CYP39A1: variants seen among roughly 807,000 people sequenced by gnomAD.
The protein encoded by CYP39A1 is cytochrome P450 family 39 subfamily A member 1, also known as 24-hydroxycholesterol 7-alpha-hydroxylase.
Under a neutral mutation model 58.1 loss-of-function variants are expected in CYP39A1, and 49 were observed. That is an observed-to-expected ratio of 0.84 (90% CI 0.67 to 1.07). CYP39A1 has a LOEUF of 1.07. CYP39A1 is among the 50% of genes least tolerant of loss of function. The pLI, the probability that CYP39A1 is intolerant of heterozygous loss-of-function variation, is 0.00. For missense variants in CYP39A1, 531 were observed against 539.4 expected (o/e 0.98, Z 0.16); for synonymous variants, 209 against 187.6 (o/e 1.11, Z -0.93).
chr6:46,589,791 T>G (rs537998555), intron 8 of CYP39A1, among the ~76,000 whole-genome samples: 4 of 152,088 alleles, frequency 2.6e-5, no homozygotes, highest in African/African-American at 9.6e-5. Context: ...GAGAGCAGGG[T>G]TGGGGGCAGC....
chr6:46,619,521 T>A (rs895717291), intron 7 of CYP39A1, among the ~76,000 whole-genome samples: 2 of 151,984 alleles, frequency 1.3e-5, no homozygotes, highest in Admixed American at 6.6e-5. Context: ...AGTCAGAGAA[T>A]CACCAAGGGC....
intron 11 of CYP39A1, 38 bp from the exon 12 acceptor site, chr6:46,550,475 A>G (rs760476773): frequency 2.6e-6 from 4 of 1,558,454 alleles, no homozygotes; most frequent in Non-Finnish European, 3.5e-6. Context: ...AAATTAAGAG[A>G]CATAAGTCCA....
Position 46,636,400 on chromosome 6 carries a change from C to G in CYP39A1, c.721G>C (p.Asp241His). ...TAAGAAATACTTACCATGGAATTAT[C>G]TTTTGCAGATTTACATGCTTTTATA... The part of the protein sequence containing the change: ...PDIKACKSAK[D>H]NSMTLLQATL... The change falls in exon 5 of 12, where the codon GAT becomes CAT. Residue 241 changes from aspartate (D) to histidine (H), a missense_variant. By Grantham distance (81) the Asp-to-His change is moderately conservative. Transcript: ENST00000275016. The G allele has an allele frequency of 6.3e-7, 1 of 1,597,842 alleles. No homozygotes were observed. The highest frequency in any genetic ancestry group is 8.5e-7 in the Non-Finnish European group (1 of 1,169,620).
chr6:46,608,608 TTTTA>T (rs1228145178), intron 7 of CYP39A1, among the ~76,000 whole-genome samples: 1 of 152,034 alleles, frequency 6.6e-6, no homozygotes, highest in African/African-American at 2.4e-5. Context: ...ATAGGTTTTA[TTTTA>T]TTTATTTATT....
chr6:46,591,876 C>A (rs948644533), intron 8 of CYP39A1, among the ~76,000 whole-genome samples: 1 of 152,044 alleles, frequency 6.6e-6, no homozygotes, highest in Non-Finnish European at 1.5e-5. Context: ...CCAGTTATTT[C>A]TATTGATCTG....
rs144585896 is a variant in CYP39A1, at chr6:46,587,099, C to G, written c.1228G>C (p.Gly410Arg). The change falls in exon 10 of 12, where the codon GGG becomes CGG. Residue 410 changes from glycine (G) to arginine (R), a missense_variant. Transcript: ENST00000275016. ...FLDCFMAFGSGKFQCPARWFA... is the reference protein window; with the variant it reads ...FLDCFMAFGSRKFQCPARWFA... Reference sequence around the variant, plus strand: ...GACCTTGCAGGACACTGGAACTTCCCGCTTCCAAATGCCATGAAGCAGTCC... The same window carrying G: ...GACCTTGCAGGACACTGGAACTTCCGGCTTCCAAATGCCATGAAGCAGTCC... 1.2e-6 allele frequency: 2 copies of G among 1,611,590 alleles called. No individual in the cohort carries two copies. Among genetic ancestry groups the G allele is most frequent in the Admixed American group, 3.4e-5 (2 of 59,688 alleles).
chr6:46,652,426 T>C lies in CYP39A1; in HGVS notation c.157A>G (p.Ile53Val). Residue 53 changes from isoleucine (I) to valine (V), a missense_variant, in exon 1 of 12, where the codon ATA (isoleucine) becomes GTA (valine). By Grantham distance (29) the Ile-to-Val change is conservative (BLOSUM62 3). Transcript: ENST00000275016. ...CATACCTTGATTCTTGCTTTCTCTATAAATTCTAGAGGGGCTTTCCCAAAC... is the reference window on the plus strand; with the variant it reads ...CATACCTTGATTCTTGCTTTCTCTACAAATTCTAGAGGGGCTTTCCCAAAC... The part of the protein sequence containing the change: ...FEFGKAPLEF[I>V]EKARIKYGPI... 1 of 1,612,914 alleles carries C rather than the reference T, an allele frequency of 6.2e-7. No homozygotes were observed. The highest frequency in any genetic ancestry group is 8.5e-7 in the Non-Finnish European group (1 of 1,179,572).
At chr6:46,583,770 T>C (rs1359231420) in intron 10 of CYP39A1, among the ~76,000 whole-genome samples, 2 of 152,184 alleles carry the variant, frequency 1.3e-5, no homozygotes, top group East Asian at 3.9e-4. Flanking sequence ...TGTTATCCCA[T>C]GGCAGCACCG....
At chr6:46,593,106 T>C (rs2150519851) in intron 8 of CYP39A1, among the ~76,000 whole-genome samples, 1 of 152,242 alleles carries the variant, frequency 6.6e-6, no homozygotes, top group Middle Eastern at 3.4e-3. Flanking sequence ...GAATTAGTGT[T>C]AAAAAAATTT....
intron 10 of CYP39A1, among the ~76,000 whole-genome samples, chr6:46,582,430 T>C (rs1288017158): frequency 6.6e-6 from 1 of 152,148 alleles, no homozygotes; most frequent in Non-Finnish European, 1.5e-5. Flanking sequence ...GCATCATAAG[T>C]CCCAAATATA....
At chr6:46,588,216 A>G in intron 8 of CYP39A1, 87 bp from the exon 9 acceptor site, 1 of 649,354 alleles carries the variant, frequency 1.5e-6, no homozygotes, top group Admixed American at 2.8e-5. Context: ...CTACAATTAT[A>G]TTGTGGTGAA....
intron 8 of CYP39A1, among the ~76,000 whole-genome samples, chr6:46,593,792 T>C (rs1021725374): frequency 1.3e-5 from 2 of 152,196 alleles, no homozygotes; most frequent in Admixed American, 6.5e-5. Context: ...TATGCCATAT[T>C]GATTCACAAA....
At chr6:46,564,420 T>C (rs1189049201) in intron 10 of CYP39A1, among the ~76,000 whole-genome samples, 3 of 151,986 alleles carry the variant, frequency 2.0e-5, no homozygotes, top group African/African-American at 7.3e-5. Flanking sequence ...GGTCGCAAAC[T>C]CCTAACCTCA....
intron 7 of CYP39A1, among the ~76,000 whole-genome samples, chr6:46,617,441 A>T (rs1196881332): frequency 6.6e-6 from 1 of 152,100 alleles, no homozygotes; most frequent in Non-Finnish European, 1.5e-5. Context: ...GGCCACAGGT[A>T]TCAGGCTCAG....
At chr6:46,620,577 A>G (rs1265377295) in intron 7 of CYP39A1, among the ~76,000 whole-genome samples, 1 of 152,170 alleles carries the variant, frequency 6.6e-6, no homozygotes, top group African/African-American at 2.4e-5. Context: ...CCAGGAATTT[A>G]GAAGGGCATC....
At chr6:46,576,503 A>G (rs1320523266) in intron 10 of CYP39A1, among the ~76,000 whole-genome samples, 1 of 152,220 alleles carries the variant, frequency 6.6e-6, no homozygotes, top group Non-Finnish European at 1.5e-5. Flanking sequence ...CCAGCCTGAA[A>G]TATCTGAAAT....
intron 7 of CYP39A1, among the ~76,000 whole-genome samples, chr6:46,620,983 T>TTC (rs1269930777): frequency 3.3e-5 from 5 of 152,166 alleles, no homozygotes; most frequent in African/African-American, 4.8e-5. Flanking sequence ...ATTTCCAAAG[T>TTC]TGTTACATTC....
chr6:46,632,972 A>T (rs1354434699), intron 5 of CYP39A1, among the ~76,000 whole-genome samples: 1 of 152,204 alleles, frequency 6.6e-6, no homozygotes, highest in Non-Finnish European at 1.5e-5. Context: ...TATAAAATAG[A>T]GACTGATGCT....
At chr6:46,596,469 T>A (rs751267705) in intron 7 of CYP39A1, among the ~76,000 whole-genome samples, 4 of 152,074 alleles carry the variant, frequency 2.6e-5, no homozygotes, top group Non-Finnish European at 4.4e-5. Flanking sequence ...ATTCCACTTA[T>A]GTAAAAAGCA....
Sources: allele counts gnomAD v4.1 joint callset (sites outside exome capture counted in the v4.1 genomes callset), GRCh38; gene constraint gnomAD v4.1.1; transcripts MANE v1.5; gene names NCBI Gene and HGNC (gene_info 2026-07-23, HGNC 2026-07-21).